The following SMYD3 variants were observed in gnomAD, a reference collection of about 807,000 sequenced individuals.
SMYD3 encodes the protein SET and MYND domain containing 3, also known as histone-lysine N-methyltransferase SMYD3.
SMYD3 carries 36 observed loss-of-function variants against 57.7 expected under a neutral mutation model. That is an observed-to-expected ratio of 0.62 (90% CI 0.48 to 0.82). The LOEUF (loss-of-function observed/expected upper bound fraction) is 0.82, where lower values mean the gene tolerates loss of function less well. Ranked by LOEUF, SMYD3 falls within the 40% of genes least tolerant of loss-of-function variation. The pLI is 0.00. For missense variants in SMYD3, 515 were observed against 538.8 expected (o/e 0.96, Z 0.44); for synonymous variants, 211 against 195.0 (o/e 1.08, Z -0.68).
At chr1:246,113,718 T>A (rs1002234991) in intron 5 of SMYD3, 7 of 152,232 alleles carry the variant, frequency 4.6e-5, no homozygotes, top group African/African-American at 1.7e-4. Flanking sequence ...CAGAAACATC[T>A]GCTTCCTGCT....
intron 5 of SMYD3, among the ~76,000 whole-genome samples, chr1:245,991,750 C>T (rs965103177): frequency 4.6e-5 from 7 of 152,188 alleles, no homozygotes; most frequent in Non-Finnish European, 8.8e-5. Flanking sequence ...ACAACTGAAC[C>T]CCAGAAACGG....
intron 1 of SMYD3, among the ~76,000 whole-genome samples, chr1:246,358,370 A>C (rs1026986960): frequency 6.6e-6 from 1 of 152,178 alleles, no homozygotes; most frequent in Admixed American, 6.5e-5. Context: ...ATAGTGGGGG[A>C]TTTTATTATT....
At chr1:246,313,757 A>C (rs988602174) in intron 5 of SMYD3, among the ~76,000 whole-genome samples, 1 of 152,252 alleles carries the variant, frequency 6.6e-6, no homozygotes, top group Non-Finnish European at 1.5e-5. Context: ...TCACTAAAAG[A>C]AAAAGAGGTG....
intron 10 of SMYD3, chr1:245,814,433 AT>A (rs2048673426): frequency 2.1e-6 from 2 of 958,212 alleles, no homozygotes; most frequent in South Asian, 9.6e-5. Flanking sequence ...CAAAAAAAAA[AT>A]AAAAACGAAA....
At chr1:245,946,142 G>T (rs1224217371) in intron 5 of SMYD3, among the ~76,000 whole-genome samples, 1 of 152,106 alleles carries the variant, frequency 6.6e-6, no homozygotes, top group East Asian at 1.9e-4. Flanking sequence ...AAACAGCACA[G>T]CAATATTAAA....
At chr1:246,187,287 C>CAAAAAAAAAAAAAAAA (rs201777727) in intron 5 of SMYD3, among the ~76,000 whole-genome samples, 1 of 110,494 alleles carries the variant, frequency 9.1e-6, no homozygotes. Context: ...GACTCTGTCT[C>CAAAAAAAAAAAAAAAA]AAAAAAAAAA....
chr1:245,926,758 A>G (rs1157602532), intron 7 of SMYD3, among the ~76,000 whole-genome samples: 2 of 152,192 alleles, frequency 1.3e-5, no homozygotes, highest in Non-Finnish European at 2.9e-5. Context: ...AAACATCGTC[A>G]TCATCGACAA....
At chr1:245,887,189 G>A (rs2053134079) in intron 8 of SMYD3, among the ~76,000 whole-genome samples, 1 of 152,056 alleles carries the variant, frequency 6.6e-6, no homozygotes, top group South Asian at 2.1e-4. Context: ...TGCAGTAAAG[G>A]AGCTGGCCAA....
intron 1 of SMYD3, among the ~76,000 whole-genome samples, chr1:246,370,469 A>G (rs1346834638): frequency 6.6e-6 from 1 of 152,172 alleles, no homozygotes; most frequent in African/African-American, 2.4e-5. Context: ...AGGGTTCAAA[A>G]CCTGCAATAC....
chr1:246,112,975 T>A (rs917997637), intron 5 of SMYD3, among the ~76,000 whole-genome samples: 2 of 151,532 alleles, frequency 1.3e-5, no homozygotes, highest in African/African-American at 4.9e-5. Flanking sequence ...AGGCCAGGAG[T>A]TCGAGACCAG....
At chr1:246,093,852 T>C (rs2060865364) in intron 5 of SMYD3, among the ~76,000 whole-genome samples, 1 of 152,150 alleles carries the variant, frequency 6.6e-6, no homozygotes, top group Non-Finnish European at 1.5e-5. Flanking sequence ...ATACATTTAA[T>C]ATATAAAAAC....
intron 5 of SMYD3, among the ~76,000 whole-genome samples, chr1:246,012,090 C>T (rs1018827454): frequency 6.6e-6 from 1 of 152,116 alleles, no homozygotes; most frequent in Non-Finnish European, 1.5e-5. Flanking sequence ...TGAACATAAG[C>T]CAACGACACT....
chr1:246,167,065 A>G (rs941649658), intron 5 of SMYD3, among the ~76,000 whole-genome samples: 2 of 152,328 alleles, frequency 1.3e-5, no homozygotes, highest in Admixed American at 6.5e-5. Context: ...GGCTCCCTTC[A>G]TTAAGCATAA....
chr1:246,127,943 G>A (rs1379620418), intron 5 of SMYD3, among the ~76,000 whole-genome samples: 1 of 150,228 alleles, frequency 6.7e-6, no homozygotes, highest in Non-Finnish European at 1.5e-5. Flanking sequence ...AAGGAGAGGA[G>A]ATTATATAGC....
intron 5 of SMYD3, among the ~76,000 whole-genome samples, chr1:246,231,119 G>T (rs1275431505): frequency 6.6e-6 from 1 of 152,188 alleles, no homozygotes; most frequent in African/African-American, 2.4e-5. Flanking sequence ...TGCTAAGCAT[G>T]GCATTGGACG....
intron 1 of SMYD3, 58 bp downstream of exon 1, chr1:246,506,996 C>CCCCCCCCCCCCCCCCA: frequency 1.2e-6 from 1 of 815,826 alleles, no homozygotes; most frequent in Non-Finnish European, 1.7e-6. Flanking sequence ...GACGCCCCCC[C>CCCCCCCCCCCCCCCCA]CTCCCCAGCA....
chr1:245,808,725 C>CT (rs559530517), intron 10 of SMYD3, among the ~76,000 whole-genome samples: 9 of 151,196 alleles, frequency 6.0e-5, no homozygotes, highest in South Asian at 4.2e-4. Flanking sequence ...CAGGACAGTG[C>CT]TTTTTTTTGG....
intron 5 of SMYD3, among the ~76,000 whole-genome samples, chr1:245,937,187 C>G (rs2057021891): frequency 6.6e-6 from 1 of 152,110 alleles, no homozygotes; most frequent in African/African-American, 2.4e-5. Flanking sequence ...ACTAGACACA[C>G]AAAATCCTCA....
intron 10 of SMYD3, among the ~76,000 whole-genome samples, chr1:245,850,101 G>A (rs1207513496): frequency 6.6e-6 from 1 of 152,172 alleles, no homozygotes. Context: ...GGTAAGGATG[G>A]GAGGCAAAGG....
Sources: gnomAD v4.1 joint callset for allele counts (sites outside exome capture counted in the v4.1 genomes callset) on GRCh38, gnomAD v4.1.1 for gene constraint, MANE v1.5 for transcripts, NCBI Gene and HGNC (gene_info 2026-07-23, HGNC 2026-07-21) for gene names.